The following DENND5B variants were observed in gnomAD, a reference collection of about 807,000 sequenced individuals.
DENND5B encodes DENN domain-containing protein 5B.
Under a neutral mutation model 140.6 loss-of-function variants are expected in DENND5B, and 34 were observed. The ratio of observed to expected loss-of-function variants is 0.24; its 90% CI spans 0.18 to 0.32. The LOEUF (loss-of-function observed/expected upper bound fraction) is 0.32. Ranked by LOEUF, DENND5B falls within the 10% of genes least tolerant of loss-of-function variation. DENND5B has a pLI of 1.00. For missense variants in DENND5B, 1,142 were observed against 1,560.2 expected (o/e 0.73, Z 4.52); for synonymous variants, 551 against 562.1 (o/e 0.98, Z 0.28).
intron 1 of DENND5B, among the ~76,000 whole-genome samples, chr12:31,498,084 G>T (rs185653479): frequency 6.6e-6 from 1 of 152,292 alleles, no homozygotes; most frequent in African/African-American, 2.4e-5. Flanking sequence ...AGTCTAAGCT[G>T]CTGATAGTGT....
intron 11 of DENND5B, among the ~76,000 whole-genome samples, chr12:31,417,356 CAAAAAAAA>C (rs767142927): frequency 5.0e-5 from 2 of 40,090 alleles, no homozygotes; most frequent in African/African-American, 8.6e-5. Flanking sequence ...GACTCTGTCT[CAAAAAAAA>C]AAAAAAAAAA....
rs1332831407 is a variant in DENND5B at position 31,398,185 on chromosome 12, T to C, written c.3246A>G (p.Gly1082=). The change falls in exon 17 of 21, where the codon GGA becomes GGG. Residue 1082 remains glycine (G), a synonymous_variant. Coordinates refer to ENST00000389082, the MANE Select transcript of DENND5B (RefSeq NM_144973.4). ...TTTAAATAAATTTACTGTTGTTTTT[T>C]CCTGTCAGTGAAGTGATGCTCAATC... ...ARRLSITSLT[G]KNNKPNAGQI... is the part of the protein sequence containing the mutation. 2 of 1,594,290 alleles carry C rather than the reference T, an allele frequency of 1.3e-6. No individual in the cohort carries two copies. The highest frequency in any genetic ancestry group is 2.7e-5 in the African/African-American group (2 of 74,430).
chr12:31,385,615 A>G lies in DENND5B; in HGVS notation c.*1988T>C, dbSNP rs893373119. 2.6e-5 allele frequency: 4 copies of G among 152,228 alleles called. No homozygotes were observed. Among genetic ancestry groups the G allele is most frequent in the African/African-American group, 9.7e-5 (4 of 41,446 alleles). The allele number at this position is 152,228 out of a possible 1,614,324, so 9.4% of individuals were successfully genotyped here. On this transcript the variant is annotated 3_prime_UTR_variant, in exon 21 of 21. Transcript: ENST00000389082. ...GGAAGAGCTGTACCATTGTAGACAC[A>G]CTTTAGCTTCAGGCAAACAAATTTC...
At chr12:31,568,222 A>AT (rs1949697645) in intron 1 of DENND5B, among the ~76,000 whole-genome samples, 1 of 152,256 alleles carries the variant, frequency 6.6e-6, no homozygotes, top group South Asian at 2.1e-4. Flanking sequence ...GGCTACATGA[A>AT]TAAGGTACAT....
At chr12:31,514,765 G>A (rs1034436296) in intron 1 of DENND5B, among the ~76,000 whole-genome samples, 1 of 151,478 alleles carries the variant, frequency 6.6e-6, no homozygotes, top group African/African-American at 2.4e-5. Flanking sequence ...AGAGGTTGCA[G>A]TGAGCTGAGA....
At chr12:31,523,595 T>C (rs2139022929) in intron 1 of DENND5B, among the ~76,000 whole-genome samples, 1 of 151,710 alleles carries the variant, frequency 6.6e-6, no homozygotes, top group South Asian at 2.1e-4. Flanking sequence ...ATCCTAAAAA[T>C]ATGCTTTTCC....
chr12:31,486,877 C>A (rs186482579), intron 2 of DENND5B, among the ~76,000 whole-genome samples: 2,087 of 152,268 alleles, frequency 0.014, 26 homozygotes, highest in Non-Finnish European at 0.019. Flanking sequence ...CAATTAAAGT[C>A]TTGCACCACT....
At chr12:31,484,820 A>C (rs1946227204) in intron 2 of DENND5B, among the ~76,000 whole-genome samples, 1 of 152,106 alleles carries the variant, frequency 6.6e-6, no homozygotes. Flanking sequence ...AAAACAAAAC[A>C]AAACAAAATA....
At chr12:31,540,318 A>G (rs947512002) in intron 1 of DENND5B, among the ~76,000 whole-genome samples, 13 of 152,254 alleles carry the variant, frequency 8.5e-5, no homozygotes, top group African/African-American at 3.1e-4. Context: ...ATTTCATGCA[A>G]TCCCTATAAA....
chr12:31,417,587 G>A (rs570443726), intron 11 of DENND5B, among the ~76,000 whole-genome samples: 11 of 152,066 alleles, frequency 7.2e-5, no homozygotes, highest in East Asian at 1.9e-4. Flanking sequence ...GATTACAGGT[G>A]CGTGCCACCA....
At chr12:31,423,739 C>A in intron 10 of DENND5B, 64 bp from the exon 11 acceptor site, 2 of 1,517,050 alleles carry the variant, frequency 1.3e-6, no homozygotes, top group Non-Finnish European at 1.8e-6. Context: ...ATTTCTCATC[C>A]AAATCATTCA....
intron 11 of DENND5B, among the ~76,000 whole-genome samples, chr12:31,416,904 CTT>C (rs143301606): frequency 1.5e-5 from 2 of 136,094 alleles, no homozygotes; most frequent in Non-Finnish European, 3.1e-5. Flanking sequence ...ATATATATGT[CTT>C]TTTTTTTTTA....
chr12:31,425,730 T>C (rs866626328), intron 9 of DENND5B, among the ~76,000 whole-genome samples: 1 of 152,212 alleles, frequency 6.6e-6, no homozygotes, highest in Non-Finnish European at 1.5e-5. Context: ...ATTTATTGAA[T>C]ATGCAGAGAA....
intron 6 of DENND5B, among the ~76,000 whole-genome samples, chr12:31,446,346 G>A (rs568593648): frequency 5.9e-5 from 9 of 151,948 alleles, no homozygotes; most frequent in Non-Finnish European, 1.2e-4. Context: ...ATGGGGTTTC[G>A]CCATGTCGGC....
chr12:31,459,255 C>A (rs907107111), intron 4 of DENND5B, among the ~76,000 whole-genome samples: 1 of 151,820 alleles, frequency 6.6e-6, no homozygotes, highest in Non-Finnish European at 1.5e-5. Flanking sequence ...TGTTACTATT[C>A]TTACTTTATA....
chr12:31,516,099 A>T (rs547057869), intron 1 of DENND5B, among the ~76,000 whole-genome samples: 1 of 152,304 alleles, frequency 6.6e-6, no homozygotes, highest in East Asian at 1.9e-4. Flanking sequence ...GCTCCTTTTG[A>T]TAATTACTAA....
intron 3 of DENND5B, among the ~76,000 whole-genome samples, chr12:31,475,994 T>C (rs1945788859): frequency 6.6e-6 from 1 of 151,940 alleles, no homozygotes; most frequent in Non-Finnish European, 1.5e-5. Context: ...GGCATGGTGG[T>C]GCGCGCCTGT....
At chr12:31,433,001 A>G (rs1943579342) in intron 8 of DENND5B, 154 bp downstream of exon 8, 2 of 612,860 alleles carry the variant, frequency 3.3e-6, no homozygotes, top group Non-Finnish European at 5.5e-6. Context: ...GTTTTCTGCT[A>G]TATGTCCGTA....
At chr12:31,512,822 TAA>T (rs1947481315) in intron 1 of DENND5B, among the ~76,000 whole-genome samples, 1 of 152,074 alleles carries the variant, frequency 6.6e-6, no homozygotes, top group Non-Finnish European at 1.5e-5. Context: ...GGGAAAATAG[TAA>T]AGTTTCCACA....
Sources: allele counts gnomAD v4.1 joint callset (sites outside exome capture counted in the v4.1 genomes callset), GRCh38; gene constraint gnomAD v4.1.1; transcripts MANE v1.5; gene names NCBI Gene and HGNC (gene_info 2026-07-23, HGNC 2026-07-21).